TUBB8: variants seen among roughly 807,000 people sequenced by gnomAD.
The protein encoded by TUBB8 is tubulin beta 8 class VIII, also known as tubulin beta-8 chain.
A neutral mutation model predicts 33.7 loss-of-function variants in TUBB8; 25 were observed. That is an observed-to-expected ratio of 0.74 (90% CI 0.54 to 1.04). TUBB8 has a LOEUF of 1.04. Among genes scored for constraint, TUBB8 ranks in the 50% least tolerant of loss-of-function variants. The probability of loss-of-function intolerance (pLI) is 0.00; values close to 1 mark genes in which losing one functional copy is unlikely to be tolerated. For missense variants in TUBB8, 279 were observed against 608.0 expected, an observed-to-expected ratio of 0.46 and a Z score of 5.69; for synonymous variants, 245 against 240.1, an observed-to-expected ratio of 1.02 and a Z score of -0.19.
chr10:75,516 G>A (rs1238904469), upstream of TUBB8, among the ~76,000 whole-genome samples: 4 of 151,032 alleles, frequency 2.6e-5, no homozygotes, highest in Non-Finnish European at 4.4e-5. Context: ...TTAGCCAGAT[G>A]TGGTGGTGGG....
intron 1 of TUBB8, among the ~76,000 whole-genome samples, chr10:62,227 A>G (rs1228825155): frequency 2.0e-5 from 3 of 152,288 alleles, no homozygotes; most frequent in African/African-American, 7.2e-5. Flanking sequence ...ATATTATCTA[A>G]TTTATTGCTT....
intron 1 of TUBB8, among the ~76,000 whole-genome samples, chr10:63,094 G>A (rs1417769010): frequency 1.1e-5 from 1 of 89,734 alleles, no homozygotes; most frequent in Non-Finnish European, 2.4e-5. Context: ...TTTTTTTTTT[G>A]ATGGAGTCTC....
At chr10:54,413 T>C (rs1291516127) in intron 1 of TUBB8, among the ~76,000 whole-genome samples, 1 of 151,700 alleles carries the variant, frequency 6.6e-6, no homozygotes, top group Non-Finnish European at 1.5e-5. Flanking sequence ...TGTGTATATG[T>C]ACCACATTTT....
chr10:48,939 G>GA (rs782437559), intron 1 of TUBB8, 27 bp from the exon 2 acceptor site: 1 of 1,422,296 alleles, frequency 7.0e-7, no homozygotes, highest in South Asian at 1.2e-5. Flanking sequence ...GAGACAGACA[G>GA]GCCGGGGCTG....
Position 73,591 on chromosome 10 carries a change from C to G in TUBB8, c.-846+378G>C, listed in dbSNP as rs187943172. ...CCAGGAGGCGGAGGTTGCAGTGAGC[C>G]GAGATCGCGCCATTGCACTCCAACC... On this transcript the variant is annotated intron_variant, in intron 1 of 3. Transcript: ENST00000564130. Among the ~76,000 whole-genome samples, 545 of 149,624 alleles carry G rather than the reference C, an allele frequency of 3.6e-3. 3 individuals carry two copies. The highest frequency in any genetic ancestry group is 0.012 in the African/African-American group (517 of 41,388).
Position 47,504 on chromosome 10 carries a change from A to G in TUBB8, c.888T>C (p.Ala296=), listed in dbSNP as rs1554738167. The G allele has an allele frequency of 1.2e-6, 2 of 1,612,244 alleles. No homozygotes were observed. Among genetic ancestry groups the G allele is most frequent in the South Asian group, 2.2e-5 (2 of 91,002 alleles). The stretch of plus-strand genomic sequence containing the variant: ...GGTCACAGGCAGCCATCATGTTCTT[A>G]GCATCAAACATCTGCTGGGTAAGCT... The part of the protein sequence containing the change: ...VAELTQQMFD[A]KNMMAACDPR... Residue 296 remains alanine (A), a synonymous_variant, in exon 4 of 4, where the codon GCT becomes GCC. Coordinates refer to ENST00000568584, the MANE Select transcript of TUBB8 (RefSeq NM_177987.3).
chr10:47,728 AGGTG>A lies in TUBB8; in HGVS notation c.660_663del (p.Thr221MetfsTer4). Reference sequence around the variant, plus strand: ...GACACCAGGTGGTTCAGGTCACCATAGGTGGGTGTGGGCAGTTTTAGGGTCTTGG... The same window carrying A: ...GACACCAGGTGGTTCAGGTCACCATAGGTGTGGGCAGTTTTAGGGTCTTGG... On this transcript the variant is annotated frameshift_variant, in exon 4 of 4. Transcript: ENST00000568584. LOFTEE classifies it high-confidence loss of function. 1 of 1,613,082 alleles carries A rather than the reference AGGTG, an allele frequency of 6.2e-7. No homozygotes were observed. Among genetic ancestry groups the A allele is most frequent in the African/African-American group, 1.3e-5 (1 of 75,050 alleles).
chr10:49,800 T>G (rs1475920577), upstream of TUBB8: 1 of 350,108 alleles, frequency 2.9e-6, no homozygotes, highest in Non-Finnish European at 5.6e-6. Context: ...AGCTGGAGTC[T>G]TCTTTAGAGT....
chr10:69,877 C>A (rs542813728), intron 1 of TUBB8, among the ~76,000 whole-genome samples: 1 of 152,298 alleles, frequency 6.6e-6, no homozygotes, highest in Non-Finnish European at 1.5e-5. Flanking sequence ...GGCAATCGGG[C>A]CAGACCCTAA....
intron 1 of TUBB8, among the ~76,000 whole-genome samples, chr10:57,733 G>C (rs1470786331): frequency 1.3e-5 from 2 of 152,198 alleles, no homozygotes; most frequent in African/African-American, 4.8e-5. Context: ...AGGCCTCAGG[G>C]TCTGTGATGG....
intron 3 of TUBB8, 76 bp downstream of exon 3, chr10:48,539 G>A (rs535338113): frequency 2.7e-5 from 37 of 1,394,862 alleles, no homozygotes; most frequent in East Asian, 1.8e-4. Flanking sequence ...GTTCCCAGAG[G>A]ATGACCTTAG....
At chr10:62,586 T>A (rs1425465800) in intron 1 of TUBB8, among the ~76,000 whole-genome samples, 1 of 152,370 alleles carries the variant, frequency 6.6e-6, no homozygotes, top group East Asian at 1.9e-4. Context: ...ACTAGTTGAG[T>A]TCTGTACCTT....
At chr10:76,259 T>G (rs1207487444), upstream of TUBB8, among the ~76,000 whole-genome samples, 2 of 151,768 alleles carry the variant, frequency 1.3e-5, no homozygotes, top group African/African-American at 2.4e-5. Flanking sequence ...CCTCTCCACG[T>G]TCCTCCTCCT....
At chr10:48,138 C>T in intron 3 of TUBB8, 24 bp from the exon 4 acceptor site, 1 of 1,481,436 alleles carries the variant, frequency 6.8e-7, no homozygotes, top group South Asian at 1.1e-5. Context: ...CAGCCGGTCA[C>T]TCGACGGCCA....
At chr10:69,426 C>T (rs1224006993) in intron 1 of TUBB8, among the ~76,000 whole-genome samples, 1 of 152,186 alleles carries the variant, frequency 6.6e-6, no homozygotes, top group Non-Finnish European at 1.5e-5. Context: ...TGGTATCTAA[C>T]AGTAGTAAAG....
chr10:69,498 A>G (rs1345395369), intron 1 of TUBB8, among the ~76,000 whole-genome samples: 4 of 152,256 alleles, frequency 2.6e-5, no homozygotes, highest in African/African-American at 9.6e-5. Flanking sequence ...TCTAAGAATC[A>G]CCCGCAATTT....
intron 1 of TUBB8, among the ~76,000 whole-genome samples, chr10:59,489 C>T (rs1256428363): frequency 6.6e-6 from 1 of 152,144 alleles, no homozygotes; most frequent in African/African-American, 2.4e-5. Context: ...GCTCCTGGCC[C>T]CTTCATTCTG....
chr10:72,838 C>T (rs377480780), intron 1 of TUBB8, among the ~76,000 whole-genome samples: 1 of 148,418 alleles, frequency 6.7e-6, no homozygotes, highest in African/African-American at 2.5e-5. Context: ...GGAGACAGAG[C>T]GACACTCCAT....
chr10:47,258 G>T lies in TUBB8; in HGVS notation c.1134C>A (p.Phe378Leu), dbSNP rs1354887369. 2 of 1,613,692 alleles carry T rather than the reference G, an allele frequency of 1.2e-6. No individual in the cohort carries two copies. Among genetic ancestry groups the T allele is most frequent in the Non-Finnish European group, 1.7e-6 (2 of 1,179,964 alleles). The change falls in exon 4 of 4, where the codon TTC becomes TTA. Residue 378 changes from phenylalanine (F) to leucine (L), a missense_variant. Phe to Leu is a conservative substitution (Grantham distance 22). Coordinates refer to ENST00000568584, the MANE Select transcript of TUBB8 (RefSeq NM_177987.3). ...CTGTAAACTGCTCTGAGACACGCTTGAAGAGTTCCTGGATGGCCGTATTAT... is the reference window on the plus strand; with the variant it reads ...CTGTAAACTGCTCTGAGACACGCTTTAAGAGTTCCTGGATGGCCGTATTAT... ...IGNNTAIQEL[F>L]KRVSEQFTAM... is the part of the protein sequence containing the mutation.
Sources: gnomAD v4.1 joint callset for allele counts (sites outside exome capture counted in the v4.1 genomes callset) on GRCh38, gnomAD v4.1.1 for gene constraint, MANE v1.5 for transcripts, NCBI Gene and HGNC (gene_info 2026-07-23, HGNC 2026-07-21) for gene names.